PRKAR1A: variants seen among roughly 807,000 people sequenced by gnomAD.
PRKAR1A encodes protein kinase cAMP-dependent type I regulatory subunit alpha, also known as cAMP-dependent protein kinase type I-alpha regulatory subunit.
In PRKAR1A, 3 loss-of-function variants were observed where a neutral mutation model predicts 52.0. That is an observed-to-expected ratio of 0.06 (90% CI 0.03 to 0.15). PRKAR1A has a LOEUF of 0.15. PRKAR1A is among the 10% of genes least tolerant of loss of function. PRKAR1A has a pLI of 1.00. For synonymous variants in PRKAR1A, 188 were observed against 168.4 expected, an observed-to-expected ratio of 1.12 and a Z score of -0.90; for missense variants, 240 against 477.4, an observed-to-expected ratio of 0.50 and a Z score of 4.63.
the PRKAR1A span, among the ~76,000 whole-genome samples, chr17:68,475,736 A>G: frequency 0.042 from 6,343 of 152,220 alleles, 413 homozygotes; most frequent in African/African-American, 0.14. Context: ...TTGGGATTAC[A>G]GTTGTGAGCC....
chr17:68,462,476 G>A, the PRKAR1A span, among the ~76,000 whole-genome samples: 3 of 152,122 alleles, frequency 2.0e-5, no homozygotes, highest in Admixed American at 6.5e-5. Context: ...AATTATAGGC[G>A]ATACTTGAAA....
rs2952275 is a variant in PRKAR1A, at chr17:68,522,522, A to G, written c.178-234A>G. Among the ~76,000 whole-genome samples, 108,881 of 152,110 alleles carry G rather than the reference A, an allele frequency of 0.72. 39,359 individuals carry two copies. The highest frequency in any genetic ancestry group is 0.9 in the East Asian group (4,654 of 5,190). On this transcript the variant is annotated intron_variant, in intron 2 of 10. Transcript: ENST00000589228. ...TGAGTACTAATGGCTTGTACTAATG[A>G]CTTTTGCCCATTAATAAAGGATAGC...
At position 68,530,905 on chromosome 17, in the gene PRKAR1A, T is replaced by G. The variant is rs2143396153; in HGVS notation, c.*456T>G. The G allele has an allele frequency of 8.9e-7, 1 of 1,117,664 alleles. No individual in the cohort carries two copies. The highest frequency in any genetic ancestry group is 1.1e-6 in the Non-Finnish European group (1 of 909,476). The allele number at this position is 1,117,664 out of a possible 1,614,324, so 69.2% of individuals were successfully genotyped here. A position where few individuals can be genotyped will look rare whatever the true frequency, so the allele number is the denominator to read the frequency against. ...TGGTTTCTCATTAAACTCTAAAGAT[T>G]AGGGAAAATGGATATAGAAAATCTT... On this transcript the variant is annotated 3_prime_UTR_variant, in exon 11 of 11. Transcript: ENST00000589228.
chr17:68,513,381 T>C (rs2085331964), intron 1 of PRKAR1A: 2 of 152,232 alleles, frequency 1.3e-5, no homozygotes. Flanking sequence ...AAACACTTAC[T>C]CAAGATGACC....
downstream of PRKAR1A, chr17:68,537,838 C>T (rs2286556): frequency 7.4e-7 from 1 of 1,346,136 alleles, no homozygotes; most frequent in African/African-American, 1.5e-5. The surrounding 1 kb of genome is among the most constrained non-coding windows in gnomAD (Gnocchi z 4.2). Context: ...AGCTGATACT[C>T]TTGGCGCCTC....
intron 10 of PRKAR1A, 66 bp downstream of exon 10, chr17:68,530,067 A>C: frequency 6.4e-7 from 1 of 1,557,678 alleles, no homozygotes; most frequent in Non-Finnish European, 8.9e-7. Flanking sequence ...GAGATATTGT[A>C]GTCTTCCATA....
At chr17:68,449,085 TA>T in the PRKAR1A span, among the ~76,000 whole-genome samples, 1 of 152,104 alleles carries the variant, frequency 6.6e-6, no homozygotes. Flanking sequence ...TCTCATTTGT[TA>T]AAAAAAATTA....
chr17:68,537,130 G>C, downstream of PRKAR1A: 1 of 488,446 alleles, frequency 2.0e-6, no homozygotes, highest in Non-Finnish European at 4.0e-6. The surrounding 1 kb of genome is among the most constrained non-coding windows in gnomAD (Gnocchi z 4.2). Flanking sequence ...GTATCCACTT[G>C]ATGTCCTTTT....
At chr17:68,533,964 G>A (rs1169816334), downstream of PRKAR1A, among the ~76,000 whole-genome samples, 1 of 152,102 alleles carries the variant, frequency 6.6e-6, no homozygotes, top group South Asian at 2.1e-4. Context: ...CCTAAGCTCA[G>A]TTTGCCCACC....
the PRKAR1A span, among the ~76,000 whole-genome samples, chr17:68,443,321 C>T: frequency 2.0e-5 from 3 of 152,144 alleles, no homozygotes; most frequent in Non-Finnish European, 4.4e-5. Context: ...TCATGTTGGT[C>T]AGGCTGGTCT....
the PRKAR1A span, among the ~76,000 whole-genome samples, chr17:68,492,705 A>G: frequency 2.0e-5 from 3 of 152,166 alleles, no homozygotes; most frequent in African/African-American, 7.2e-5. Flanking sequence ...AGCAACCTCA[A>G]TTCTTGCCTC....
the PRKAR1A span, among the ~76,000 whole-genome samples, chr17:68,424,034 A>G: frequency 6.6e-6 from 1 of 152,178 alleles, no homozygotes; most frequent in Admixed American, 6.5e-5. Context: ...TGGATCCTGG[A>G]AGCCTCGACT....
chr17:68,436,412 C>T, the PRKAR1A span: 16 of 1,613,948 alleles, frequency 9.9e-6, no homozygotes, highest in Non-Finnish European at 1.3e-5. Flanking sequence ...GCACAATCTC[C>T]CCTGAAGTCA....
At chr17:68,435,802 C>A in the PRKAR1A span, 15 of 1,171,826 alleles carry the variant, frequency 1.3e-5, no homozygotes, top group Non-Finnish European at 1.6e-5. Flanking sequence ...CTCCTTTCTC[C>A]CTCCTTTGTC....
chr17:68,542,225 C>G (rs1483779550), intron 11 of PRKAR1A: 9 of 1,582,978 alleles, frequency 5.7e-6, no homozygotes, highest in Non-Finnish European at 7.8e-6. Flanking sequence ...ATGACATCTT[C>G]CTGGCCTAGG....
intron 11 of PRKAR1A, chr17:68,539,908 A>G (rs761848944): frequency 6.8e-6 from 11 of 1,614,030 alleles, no homozygotes; most frequent in Admixed American, 1.7e-5. Context: ...CAAGGTGAAT[A>G]AGGAACCCAT....
chr17:68,479,050 C>G, the PRKAR1A span, among the ~76,000 whole-genome samples: 1 of 152,180 alleles, frequency 6.6e-6, no homozygotes, highest in South Asian at 2.1e-4. Context: ...ATCCATTTCT[C>G]CATGTAGATT....
At chr17:68,459,065 T>C in the PRKAR1A span, among the ~76,000 whole-genome samples, 2 of 152,344 alleles carry the variant, frequency 1.3e-5, no homozygotes, top group East Asian at 3.9e-4. Flanking sequence ...GTTTCTTTTC[T>C]CAACTTTATT....
At chr17:68,486,673 A>G in the PRKAR1A span, among the ~76,000 whole-genome samples, 1 of 149,594 alleles carries the variant, frequency 6.7e-6, no homozygotes, top group African/African-American at 2.5e-5. Context: ...TTATAAAAAT[A>G]AATTATGCTC....
Sources: allele counts gnomAD v4.1 joint callset (sites outside exome capture counted in the v4.1 genomes callset), GRCh38; gene constraint gnomAD v4.1.1; non-coding constraint Gnocchi (gnomAD v3.1); transcripts MANE v1.5; gene names NCBI Gene and HGNC (gene_info 2026-07-23, HGNC 2026-07-21).